ABLIM3: variants seen among roughly 807,000 people sequenced by gnomAD.
The protein encoded by ABLIM3 is actin binding LIM protein family member 3.
Under a neutral mutation model 109.5 loss-of-function variants are expected in ABLIM3, and 61 were observed. The ratio of observed to expected loss-of-function variants is 0.56; its 90% CI spans 0.45 to 0.69. The LOEUF (loss-of-function observed/expected upper bound fraction) is 0.69, where lower values mean the gene tolerates loss of function less well. Among genes scored for constraint, ABLIM3 ranks in the 30% least tolerant of loss-of-function variants. The pLI is 0.00. For synonymous variants in ABLIM3, 300 were observed against 324.8 expected (o/e 0.92, Z 0.82); for missense variants, 796 against 889.5 (o/e 0.89, Z 1.34).
chr5:149,239,580 A>C (rs1473668992), intron 12 of ABLIM3, among the ~76,000 whole-genome samples, 179 bp from the exon 13 acceptor site: 1 of 152,170 alleles, frequency 6.6e-6, no homozygotes, highest in African/African-American at 2.4e-5. Flanking sequence ...AAAGCCCTGG[A>C]AATTCTCTGC....
intron 23 of ABLIM3, among the ~76,000 whole-genome samples, chr5:149,256,159 G>T (rs1222886077): frequency 1.3e-5 from 2 of 152,228 alleles, no homozygotes; most frequent in East Asian, 3.9e-4. Context: ...TTAGAGGAGA[G>T]AAGCCCTGGT....
At chr5:149,164,511 T>C (rs1308378034) in intron 2 of ABLIM3, among the ~76,000 whole-genome samples, 1 of 152,178 alleles carries the variant, frequency 6.6e-6, no homozygotes, top group Non-Finnish European at 1.5e-5. Context: ...AGGATGAACA[T>C]CATCTAGGAA....
At chr5:149,164,028 A>AT (rs1754613805) in intron 2 of ABLIM3, 1 of 152,086 alleles carries the variant, frequency 6.6e-6, no homozygotes, top group Non-Finnish European at 1.5e-5. Context: ...TATTTCTATT[A>AT]TTTTTTATTG....
intron 8 of ABLIM3, among the ~76,000 whole-genome samples, chr5:149,228,500 G>T (rs1332881323): frequency 1.3e-5 from 2 of 152,078 alleles, no homozygotes; most frequent in East Asian, 3.9e-4. Context: ...TTGGCTCTGG[G>T]GATAAAGTCC....
chr5:149,204,010 T>G (rs1251543648), intron 5 of ABLIM3, among the ~76,000 whole-genome samples: 1 of 152,170 alleles, frequency 6.6e-6, no homozygotes, highest in Non-Finnish European at 1.5e-5. Flanking sequence ...CCCTTAACAC[T>G]CTGTACCAGA....
intron 3 of ABLIM3, among the ~76,000 whole-genome samples, chr5:149,184,267 T>C (rs1756744036): frequency 6.6e-6 from 1 of 152,130 alleles, no homozygotes; most frequent in African/African-American, 2.4e-5. Context: ...CCACAATGTC[T>C]CTCCAGCCTC....
At chr5:149,227,848 T>C (rs756838391) in intron 8 of ABLIM3, among the ~76,000 whole-genome samples, 16 of 152,240 alleles carry the variant, frequency 1.1e-4, no homozygotes, top group Non-Finnish European at 1.8e-4. Context: ...ATGTTTCTTT[T>C]GTTTATTTAT....
intron 20 of ABLIM3, among the ~76,000 whole-genome samples, chr5:149,250,728 A>G (rs546495635): frequency 1.3e-5 from 2 of 152,302 alleles, no homozygotes; most frequent in Admixed American, 6.5e-5. Flanking sequence ...TTATTGGGCA[A>G]TAACCCTGTG....
At chr5:149,176,594 G>A (rs1197975994) in intron 2 of ABLIM3, among the ~76,000 whole-genome samples, 6 of 152,074 alleles carry the variant, frequency 3.9e-5, no homozygotes, top group Non-Finnish European at 5.9e-5. Flanking sequence ...TCATTCTCCT[G>A]TAAAATGAGG....
At chr5:149,178,034 T>C (rs2127469293) in intron 2 of ABLIM3, among the ~76,000 whole-genome samples, 1 of 152,264 alleles carries the variant, frequency 6.6e-6, no homozygotes, top group Admixed American at 6.5e-5. Flanking sequence ...CCTTACCCGC[T>C]GTGTCGTGTG....
At chr5:149,230,530 C>G in intron 8 of ABLIM3, 119 bp from the exon 9 acceptor site, 1 of 1,048,906 alleles carries the variant, frequency 9.5e-7, no homozygotes. Context: ...GCCAAGAGGG[C>G]CCTTCTGGCA....
At chr5:149,183,356 C>T (rs1412292995) in intron 2 of ABLIM3, 96 bp from the exon 3 acceptor site, 21 of 1,376,654 alleles carry the variant, frequency 1.5e-5, no homozygotes, top group Non-Finnish European at 1.9e-5. Context: ...CTTCCCCTTC[C>T]ACTTTTTCTT....
chr5:149,226,309 C>T (rs1333082191), intron 8 of ABLIM3, among the ~76,000 whole-genome samples: 1 of 151,844 alleles, frequency 6.6e-6, no homozygotes, highest in African/African-American at 2.4e-5. Context: ...CATGGTGAAA[C>T]CCCGTATCTA....
At chr5:149,151,172 G>A (rs2127433940) in intron 2 of ABLIM3, among the ~76,000 whole-genome samples, 1 of 152,240 alleles carries the variant, frequency 6.6e-6, no homozygotes, top group East Asian at 1.9e-4. Context: ...TCTACTCGAG[G>A]CCTCTCCTTT....
chr5:149,182,066 G>T (rs531739497), intron 2 of ABLIM3, among the ~76,000 whole-genome samples: 43 of 152,292 alleles, frequency 2.8e-4, no homozygotes, highest in African/African-American at 8.9e-4. Flanking sequence ...GTCACCATGT[G>T]CAATCCTCCA....
intron 8 of ABLIM3, among the ~76,000 whole-genome samples, chr5:149,229,645 A>G (rs1049104266): frequency 6.6e-6 from 1 of 152,272 alleles, no homozygotes; most frequent in African/African-American, 2.4e-5. Flanking sequence ...AACAAATGCC[A>G]TCTGGATGCT....
At chr5:149,253,223 A>G (rs769613542) in intron 23 of ABLIM3, among the ~76,000 whole-genome samples, 16 of 152,274 alleles carry the variant, frequency 1.1e-4, no homozygotes, top group South Asian at 1.0e-3. Flanking sequence ...CCTGCCCCCA[A>G]GGGGCCCTCT....
At chr5:149,143,437 A>C (rs576896820) in intron 2 of ABLIM3, among the ~76,000 whole-genome samples, 22 of 152,022 alleles carry the variant, frequency 1.4e-4, no homozygotes, top group Non-Finnish European at 1.8e-4. Context: ...AAAAAGCTAG[A>C]GCTGAGCAAC....
At position 149,259,749 on chromosome 5, in the gene ABLIM3, A is replaced by T. The variant is rs1046441; in HGVS notation, c.*1345A>T. 0.064 allele frequency: 45,882 copies of T among 713,160 alleles called. 4,547 individuals carry two copies. The highest frequency in any genetic ancestry group is 0.37 in the African/African-American group (20,594 of 55,984). The allele number at this position is 713,160 out of a possible 1,614,324, so 44.2% of individuals were successfully genotyped here. A position where few individuals can be genotyped will look rare whatever the true frequency, so the allele number is the denominator to read the frequency against. On this transcript the variant is annotated 3_prime_UTR_variant, in exon 24 of 24. Coordinates refer to ENST00000309868, the MANE Select transcript of ABLIM3 (RefSeq NM_014945.5). ...GGTGGGGGCTGTTCCTTCTTGGAGA[A>T]GCCTTGAGTCGGACCATTTTGAGAT...
Sources: gnomAD v4.1 joint callset for allele counts (sites outside exome capture counted in the v4.1 genomes callset) on GRCh38, gnomAD v4.1.1 for gene constraint, MANE v1.5 for transcripts, NCBI Gene and HGNC (gene_info 2026-07-23, HGNC 2026-07-21) for gene names.